DUSP5: variants seen among roughly 807,000 people sequenced by gnomAD.
DUSP5 encodes dual specificity phosphatase 5, also known as dual specificity protein phosphatase 5.
Under a neutral mutation model 33.6 loss-of-function variants are expected in DUSP5, and 22 were observed. That is an observed-to-expected ratio of 0.66 (90% CI 0.47 to 0.94). DUSP5 has a LOEUF of 0.94. Ranked by LOEUF, DUSP5 falls within the 40% of genes least tolerant of loss-of-function variation. The probability of loss-of-function intolerance (pLI) is 0.00; values close to 1 mark genes in which losing one functional copy is unlikely to be tolerated. For synonymous variants in DUSP5, 270 were observed against 231.1 expected (o/e 1.17, Z -1.53); for missense variants, 551 against 522.1 (o/e 1.06, Z -0.54).
At chr10:110,502,181 C>T (rs1394375615) in intron 1 of DUSP5, among the ~76,000 whole-genome samples, 1 of 151,868 alleles carries the variant, frequency 6.6e-6, no homozygotes, top group African/African-American at 2.4e-5. Context: ...TTCTTAGCAC[C>T]TTGGGAGTGA....
At chr10:110,501,603 T>C (rs770319001) in intron 1 of DUSP5, among the ~76,000 whole-genome samples, 1 of 152,218 alleles carries the variant, frequency 6.6e-6, no homozygotes, top group Non-Finnish European at 1.5e-5. Context: ...GGAAAATTCA[T>C]GGTCTCAGAA....
chr10:110,502,167 GTTC>G (rs58226993), intron 1 of DUSP5, among the ~76,000 whole-genome samples: 146,486 of 152,134 alleles, frequency 0.96, 70,793 homozygotes, highest in East Asian at 1. Context: ...TGTCAGCAGT[GTTC>G]TTCTTAGCAC....
chr10:110,502,895 A>G (rs1860073241), intron 2 of DUSP5, 26 bp downstream of exon 2: 1 of 1,613,772 alleles, frequency 6.2e-7, no homozygotes, highest in Non-Finnish European at 8.5e-7. Context: ...GGGAAGAGGT[A>G]TCCTGAGTGG....
chr10:110,510,433 G>A lies in DUSP5; in HGVS notation c.*7G>A, dbSNP rs573652749. 2 of 1,568,446 alleles carry A rather than the reference G, an allele frequency of 1.3e-6. No homozygotes were observed. Among genetic ancestry groups the A allele is most frequent in the Admixed American group, 1.9e-5 (1 of 53,952 alleles). ...AACGGCCACATCCTGCTAAAACTGG[G>A]ATGGAGGAATCGGCCCAGCCCCAAG... On this transcript the variant is annotated 3_prime_UTR_variant, in exon 4 of 4. Transcript: ENST00000369583.
At chr10:110,499,565 T>G (rs181421002) in intron 1 of DUSP5, among the ~76,000 whole-genome samples, 126 of 152,280 alleles carry the variant, frequency 8.3e-4, no homozygotes, top group African/African-American at 2.9e-3. Flanking sequence ...TAGGAGCCTG[T>G]TTTAAAGCCA....
intron 1 of DUSP5, 129 bp from the exon 2 acceptor site, chr10:110,502,592 A>G (rs1291657505): frequency 4.5e-6 from 5 of 1,112,624 alleles, no homozygotes; most frequent in Non-Finnish European, 6.3e-6. Context: ...TTTAATGACC[A>G]GAATCTGTAC....
chr10:110,498,170 A>C lies in DUSP5; in HGVS notation c.49A>C (p.Lys17Gln). Reference sequence around the variant, plus strand: ...GCGCCAGCTGCGCAAGATGCTCCGCAAGGAGGCGGCGGCGCGCTGCGTGGT... The same window carrying C: ...GCGCCAGCTGCGCAAGATGCTCCGCCAGGAGGCGGCGGCGCGCTGCGTGGT... Reference protein sequence around the residue: ...DGRQLRKMLRKEAAARCVVLD... With the variant: ...DGRQLRKMLRQEAAARCVVLD... Residue 17 changes from lysine to glutamine, a missense_variant, in exon 1 of 4, where the codon AAG (lysine) becomes CAG (glutamine). By Grantham distance (53) the Lys-to-Gln change is moderately conservative. This residue lies in a region of DUSP5 where 381 missense variants were observed against 310.4 expected (regional missense o/e 1.23). Coordinates refer to ENST00000369583, the MANE Select transcript of DUSP5 (RefSeq NM_004419.4). The C allele has an allele frequency of 6.7e-7, 1 of 1,487,294 alleles. No homozygotes were observed. The highest frequency in any genetic ancestry group is 9.0e-7 in the Non-Finnish European group (1 of 1,117,236). The allele number at this position is 1,487,294 out of a possible 1,614,324, so 92.1% of individuals were successfully genotyped here. A position where few individuals can be genotyped will look rare whatever the true frequency, so the allele number is the denominator to read the frequency against.
chr10:110,503,008 C>G, intron 2 of DUSP5, 139 bp downstream of exon 2: 2 of 1,184,136 alleles, frequency 1.7e-6, no homozygotes, highest in South Asian at 1.7e-5. Flanking sequence ...TTGGCAAAAT[C>G]CCCTGGCTTT....
chr10:110,502,384 CAA>C (rs1226811250), intron 1 of DUSP5, among the ~76,000 whole-genome samples: 6 of 152,174 alleles, frequency 3.9e-5, no homozygotes, highest in East Asian at 3.8e-4. Flanking sequence ...TTTAGATAAA[CAA>C]GAGAGAAAAT....
chr10:110,507,429 G>A (rs999413830), intron 3 of DUSP5, among the ~76,000 whole-genome samples: 6 of 152,170 alleles, frequency 3.9e-5, no homozygotes, highest in African/African-American at 1.4e-4. Context: ...TTCTAGCTGG[G>A]CAGGAGCTGA....
intron 1 of DUSP5, among the ~76,000 whole-genome samples, chr10:110,499,505 A>G (rs989475950): frequency 6.7e-6 from 1 of 148,894 alleles, no homozygotes; most frequent in African/African-American, 2.5e-5. Flanking sequence ...ACACCTTGGG[A>G]TGTAACAGTG....
rs1272265126 is a variant in DUSP5 at position 110,510,369 on chromosome 10, C to A, written c.1098C>A (p.Thr366=). 1 of 1,612,702 alleles carries A rather than the reference C, an allele frequency of 6.2e-7. No individual in the cohort carries two copies. ...CCTCGGTGCTGGCACCGGTGCCTAC[C>A]CACTCAACAGTCTCAGAGCTCAGCA... The part of the protein sequence containing the change: ...FPASVLAPVP[T]HSTVSELSRS... The change falls in exon 4 of 4, where the codon ACC becomes ACA. Residue 366 remains threonine (T), a synonymous_variant. Coordinates refer to ENST00000369583, the MANE Select transcript of DUSP5 (RefSeq NM_004419.4).
intron 1 of DUSP5, among the ~76,000 whole-genome samples, chr10:110,501,030 G>C (rs1376817456): frequency 6.6e-6 from 1 of 152,230 alleles, no homozygotes; most frequent in Admixed American, 6.5e-5. Flanking sequence ...CCTTCGTCCT[G>C]AAGTTTGGGA....
chr10:110,501,969 G>C (rs1414192298), intron 1 of DUSP5, among the ~76,000 whole-genome samples: 3 of 151,706 alleles, frequency 2.0e-5, no homozygotes, highest in Admixed American at 1.3e-4. Context: ...ATTGATTGGG[G>C]GGGGGGTGCA....
In DUSP5 at chr10:110,498,063, T is replaced by A. The variant is rs1452315985; in HGVS notation, c.-59T>A. The stretch of plus-strand genomic sequence containing the variant: ...GCGGACACCCTGGCCGTGGACACCC[T>A]GGCCGTGGGCACCCGCGGGGCGCGC... On this transcript the variant is annotated 5_prime_UTR_variant, in exon 1 of 4. Coordinates refer to ENST00000369583, the MANE Select transcript of DUSP5 (RefSeq NM_004419.4). 1 of 1,119,050 alleles carries A rather than the reference T, an allele frequency of 8.9e-7. No homozygotes were observed. Among genetic ancestry groups the A allele is most frequent in the East Asian group, 5.6e-5 (1 of 17,966 alleles). The allele number at this position is 1,119,050 out of a possible 1,614,324, so 69.3% of individuals were successfully genotyped here.
At position 110,498,515 on chromosome 10, in the gene DUSP5, T is replaced by C. The variant is rs531631279; in HGVS notation, c.379+15T>C. 3.8e-5 allele frequency: 57 copies of C among 1,482,102 alleles called. No individual in the cohort carries two copies. The African/African-American group carries it at 6.8e-4, about 18-fold the overall frequency. 91.8% of individuals were successfully genotyped at this position (1,482,102 alleles called of 1,614,324 possible). A position where few individuals can be genotyped will look rare whatever the true frequency, so the allele number is the denominator to read the frequency against. ...CTTCCTCAAAGGTGAGCGCTCGGGG[T>C]CCCTGCCACGCTCGCCCCTCCGGCG... On this transcript the variant is annotated intron_variant, in intron 1 of 3. Coordinates refer to ENST00000369583, the MANE Select transcript of DUSP5 (RefSeq NM_004419.4).
Position 110,498,485 on chromosome 10 carries a change from G to C in DUSP5, c.364G>C (p.Val122Leu). The change falls in exon 1 of 4, where the codon GTC (valine) becomes CTC (leucine). Residue 122 changes from valine to leucine, a missense_variant. By Grantham distance (32) the Val-to-Leu change is conservative. Transcript: ENST00000369583. ...LLACLPAGPR[V>L]YFLKGGYETF... ...CGCTTGCCTACCCGCCGGCCCGCGGGTCTACTTCCTCAAAGGTGAGCGCTC... is the reference window on the plus strand; with the variant it reads ...CGCTTGCCTACCCGCCGGCCCGCGGCTCTACTTCCTCAAAGGTGAGCGCTC... 1 of 1,541,636 alleles carries C rather than the reference G, an allele frequency of 6.5e-7. No homozygotes were observed. Among genetic ancestry groups the C allele is most frequent in the Non-Finnish European group, 8.7e-7 (1 of 1,153,312 alleles).
In DUSP5 at chr10:110,502,787, A is replaced by G. The variant is rs1860070623; in HGVS notation, c.446A>G (p.Glu149Gly). ...CCVDVKPISQEKIESERALIS... is the reference protein window; with the variant it reads ...CCVDVKPISQGKIESERALIS... ...GTGGATGTAAAACCCATTTCACAAG[A>G]GAAGATTGAGAGTGAGAGAGCCCTC... Residue 149 changes from glutamate to glycine, a missense_variant, in exon 2 of 4, where the codon GAG becomes GGG. Physicochemically the swap from Glu to Gly is moderately conservative, Grantham distance 98 (BLOSUM62 -2). Around this residue, in one of 3 missense-constraint regions of DUSP5, gnomAD observed 381 missense variants for 310.4 expected, o/e 1.23. Coordinates refer to ENST00000369583, the MANE Select transcript of DUSP5 (RefSeq NM_004419.4). The G allele has an allele frequency of 3.7e-6, 6 of 1,614,186 alleles. No homozygotes were observed. The highest frequency in any genetic ancestry group is 5.1e-6 in the Non-Finnish European group (6 of 1,180,042).
rs1859994715 is a variant in DUSP5 at position 110,498,583 on chromosome 10, T to C, written c.379+83T>C. On this transcript the variant is annotated intron_variant, in intron 1 of 3. Transcript: ENST00000369583. ...TGCGCCGGGGCGCCCTCCTACACCC[T>C]GGGACCGGGAGAGTCACCACCTGCA... The C allele has an allele frequency of 2.3e-6, 3 of 1,331,726 alleles. No homozygotes were observed. The East Asian group carries it at 9.3e-5, about 41-fold the overall frequency. 82.5% of individuals were successfully genotyped at this position (1,331,726 alleles called of 1,614,324 possible). A position where few individuals can be genotyped will look rare whatever the true frequency, so the allele number is the denominator to read the frequency against.
Sources: gnomAD v4.1 joint callset for allele counts (sites outside exome capture counted in the v4.1 genomes callset) on GRCh38, gnomAD v4.1.1 for gene constraint, gnomAD v4.1.1 regional missense constraint, MANE v1.5 for transcripts, NCBI Gene and HGNC (gene_info 2026-07-23, HGNC 2026-07-21) for gene names.